The following RHBDL2 variants were observed in gnomAD, a reference collection of about 807,000 sequenced individuals.
RHBDL2 encodes rhomboid-related protein 2.
In RHBDL2, 26 loss-of-function variants were observed where a neutral mutation model predicts 31.7. The ratio of observed to expected loss-of-function variants is 0.82; its 90% confidence interval spans 0.60 to 1.14. RHBDL2 has a LOEUF of 1.14. Ranked by LOEUF, RHBDL2 falls within the 50% of genes most tolerant of loss-of-function variation. The pLI is 0.00. For synonymous variants in RHBDL2, 123 were observed against 127.2 expected (o/e 0.97, Z 0.22); for missense variants, 336 against 364.4 (o/e 0.92, Z 0.63).
rs888610651 is a variant in RHBDL2 at position 38,887,964 on chromosome 1, GGAGACCCA to G, written c.723_730del (p.Ser243ValfsTer21). 1.1e-5 allele frequency: 18 copies of G among 1,604,320 alleles called. No homozygotes were observed. Among genetic ancestry groups the G allele is most frequent in the Non-Finnish European group, 1.5e-5 (18 of 1,171,742 alleles). On this transcript the variant is annotated frameshift_variant and splice_region_variant, in exon 7 of 8. Coordinates refer to ENST00000372990, the MANE Select transcript of RHBDL2 (RefSeq NM_017821.5). LOFTEE classifies it high-confidence loss of function. ...ATAAAAGAAAGAAACTGAACTCACC[GGAGACCCA>G]TCTTCAGGAACAAAGAACCTTCTAT...
At chr1:38,939,027 T>C (rs920153022) in intron 1 of RHBDL2, among the ~76,000 whole-genome samples, 17 of 152,330 alleles carry the variant, frequency 1.1e-4, no homozygotes, top group Non-Finnish European at 2.2e-4. Context: ...TAAAACTGAA[T>C]GAACAGGATC....
rs1458586432 is a variant in RHBDL2, at chr1:38,918,959, C to G, written c.246+8G>C. Reference sequence around the variant, plus strand: ...CTTACCCCGGTGCCCACCCCGCTCCCCATTCACCTCGGCCAGGCTGATGGA... The same window carrying G: ...CTTACCCCGGTGCCCACCCCGCTCCGCATTCACCTCGGCCAGGCTGATGGA... On this transcript the variant is annotated splice_region_variant and intron_variant, in intron 2 of 7. Transcript: ENST00000372990. 6.2e-7 allele frequency: 1 copy of G among 1,609,740 alleles called. No individual in the cohort carries two copies. The highest frequency in any genetic ancestry group is 1.7e-5 in the Admixed American group (1 of 59,928).
intron 3 of RHBDL2, 65 bp downstream of exon 3, chr1:38,915,497 C>T: frequency 2.6e-6 from 4 of 1,539,182 alleles, no homozygotes; most frequent in Non-Finnish European, 3.6e-6. Context: ...AAGCACTCAA[C>T]AAATGTTAGA....
Position 38,915,613 on chromosome 1 carries a change from T to C in RHBDL2, c.344A>G (p.Glu115Gly). The change falls in exon 3 of 8, where the codon GAG becomes GGG. Residue 115 changes from glutamate (E) to glycine (G), a missense_variant. Glu to Gly is a moderately conservative substitution (Grantham distance 98). Coordinates refer to ENST00000372990, the MANE Select transcript of RHBDL2 (RefSeq NM_017821.5). ...AAACCTCCAGGCTTCCTCCCTCTTCTCAGGACTGTAGATAAAGGGACTCTC... is the reference window on the plus strand; with the variant it reads ...AAACCTCCAGGCTTCCTCCCTCTTCCCAGGACTGTAGATAAAGGGACTCTC... The part of the protein sequence containing the change: ...ILESPFIYSP[E>G]KREEAWRFIS... 2 of 1,614,094 alleles carry C rather than the reference T, an allele frequency of 1.2e-6. No individual in the cohort carries two copies. Among genetic ancestry groups the C allele is most frequent in the Non-Finnish European group, 8.5e-7 (1 of 1,179,984 alleles).
chr1:38,937,104 C>A (rs540278171), intron 1 of RHBDL2, among the ~76,000 whole-genome samples: 5 of 152,104 alleles, frequency 3.3e-5, no homozygotes, highest in Admixed American at 1.3e-4. Flanking sequence ...CCCGCCACCA[C>A]ACCCAGCTAA....
chr1:38,914,637 T>A (rs1643203829), intron 3 of RHBDL2, among the ~76,000 whole-genome samples: 1 of 152,128 alleles, frequency 6.6e-6, no homozygotes, highest in African/African-American at 2.4e-5. Flanking sequence ...TTAACAACAT[T>A]AGACAACTAG....
intron 1 of RHBDL2, among the ~76,000 whole-genome samples, chr1:38,937,234 C>A (rs1284082322): frequency 6.6e-6 from 1 of 152,162 alleles, no homozygotes; most frequent in East Asian, 1.9e-4. Flanking sequence ...GCGTGAGCCA[C>A]CGCGCCTGGC....
intron 6 of RHBDL2, among the ~76,000 whole-genome samples, chr1:38,889,019 C>A (rs1642820640): frequency 6.6e-6 from 1 of 152,042 alleles, no homozygotes; most frequent in Non-Finnish European, 1.5e-5. Flanking sequence ...CTATATGGGC[C>A]ATTGTAAGGA....
chr1:38,912,918 G>A (rs1185340371), intron 3 of RHBDL2, among the ~76,000 whole-genome samples: 80 of 46,578 alleles, frequency 1.7e-3, no homozygotes, highest in East Asian at 4.9e-3. Flanking sequence ...ATATGTGTGT[G>A]TGTGTGTGTG....
At chr1:38,929,731 G>A (rs1643419973) in intron 1 of RHBDL2, 2 of 219,330 alleles carry the variant, frequency 9.1e-6, no homozygotes, top group African/African-American at 2.3e-5. Flanking sequence ...TGGGTAATTG[G>A]AGAGGCCAGG....
In RHBDL2 at chr1:38,887,940, T is replaced by C. The variant is rs375926584; in HGVS notation, c.732+23A>G. On this transcript the variant is annotated intron_variant, in intron 7 of 7. Transcript: ENST00000372990. ...TGACAGTAAACTAATTTCTATTTTATAAAAGAAAGAAACTGAACTCACCGG... is the reference window on the plus strand; with the variant it reads ...TGACAGTAAACTAATTTCTATTTTACAAAAGAAAGAAACTGAACTCACCGG... The C allele has an allele frequency of 9.7e-6, 15 of 1,542,488 alleles. No homozygotes were observed. The African/African-American group carries it at 1.8e-4, about 18-fold the overall frequency.
At chr1:38,892,528 T>G (rs1488981900) in intron 6 of RHBDL2, among the ~76,000 whole-genome samples, 4 of 152,196 alleles carry the variant, frequency 2.6e-5, no homozygotes, top group Non-Finnish European at 5.9e-5. Flanking sequence ...TAAAACTCCT[T>G]CGTTTACTTC....
chr1:38,915,736 T>C lies in RHBDL2; in HGVS notation c.247-26A>G, dbSNP rs755695045. On this transcript the variant is annotated intron_variant, in intron 2 of 7. Coordinates refer to ENST00000372990, the MANE Select transcript of RHBDL2 (RefSeq NM_017821.5). ...CTGATGGAGGGAGCAGACATGAGTA[T>C]TAACCACACCTTCTCCAGAGAGGGG... 7 of 1,613,442 alleles carry C rather than the reference T, an allele frequency of 4.3e-6. No homozygotes were observed. In the South Asian group the frequency reaches 7.7e-5, roughly 18 times the overall value.
chr1:38,907,466 G>A (rs943800128), intron 4 of RHBDL2, among the ~76,000 whole-genome samples: 1 of 152,190 alleles, frequency 6.6e-6, no homozygotes, highest in African/African-American at 2.4e-5. Context: ...CTTGAACCTG[G>A]GAGGTGGAGG....
intron 6 of RHBDL2, among the ~76,000 whole-genome samples, chr1:38,892,196 C>G (rs1485262391): frequency 6.6e-6 from 1 of 152,182 alleles, no homozygotes; most frequent in African/African-American, 2.4e-5. Context: ...CCCCCGCTCC[C>G]CCAACTCTCT....
chr1:38,906,877 C>T (rs1643073544), intron 4 of RHBDL2, among the ~76,000 whole-genome samples: 1 of 152,084 alleles, frequency 6.6e-6, no homozygotes, highest in Admixed American at 6.6e-5. Flanking sequence ...TATCAAAATT[C>T]CAGCAAGAAT....
Position 38,897,290 on chromosome 1 carries a change from C to T in RHBDL2, c.509-1221G>A, listed in dbSNP as rs538197046. On this transcript the variant is annotated intron_variant, in intron 4 of 7. Coordinates refer to ENST00000372990, the MANE Select transcript of RHBDL2 (RefSeq NM_017821.5). ...TAATTTTTTGTGTTTTTAGTAGAGACGGGGTTTCACCATGTTAGCCAGGAT... is the reference window on the plus strand; with the variant it reads ...TAATTTTTTGTGTTTTTAGTAGAGATGGGGTTTCACCATGTTAGCCAGGAT... Among the ~76,000 whole-genome samples, 17 of 152,106 alleles carry T rather than the reference C, an allele frequency of 1.1e-4. 1 individual carries two copies. In the East Asian group the frequency reaches 3.3e-3, roughly 29 times the overall value.
chr1:38,915,450 T>G, intron 3 of RHBDL2, 112 bp downstream of exon 3: 13 of 1,081,794 alleles, frequency 1.2e-5, no homozygotes, highest in Non-Finnish European at 1.6e-5. Flanking sequence ...AGGGTTGCTG[T>G]GAAGATTATG....
At chr1:38,935,313 A>C (rs1032410689) in intron 1 of RHBDL2, among the ~76,000 whole-genome samples, 1 of 152,238 alleles carries the variant, frequency 6.6e-6, no homozygotes, top group Non-Finnish European at 1.5e-5. Flanking sequence ...CTCATGTCTC[A>C]ATTCTAATTT....
Sources: gnomAD v4.1 joint callset for allele counts (sites outside exome capture counted in the v4.1 genomes callset) on GRCh38, gnomAD v4.1.1 for gene constraint, MANE v1.5 for transcripts, NCBI Gene and HGNC (gene_info 2026-07-23, HGNC 2026-07-21) for gene names.